CRPPA: variants seen among roughly 807,000 people sequenced by gnomAD.
CRPPA encodes D-ribitol-5-phosphate cytidylyltransferase.
CRPPA carries 43 observed loss-of-function variants against 52.0 expected under a neutral mutation model. The ratio of observed to expected loss-of-function variants is 0.83; its 90% CI spans 0.65 to 1.07. CRPPA has a LOEUF of 1.07. Ranked by LOEUF, CRPPA falls within the 50% of genes least tolerant of loss-of-function variation. The pLI is 0.00. For missense variants in CRPPA, 629 were observed against 551.7 expected (o/e 1.14, Z -1.40); for synonymous variants, 250 against 203.5 (o/e 1.23, Z -1.94).
intron 3 of CRPPA, among the ~76,000 whole-genome samples, chr7:16,330,074 T>C: frequency 6.6e-6 from 1 of 152,220 alleles, no homozygotes; most frequent in Non-Finnish European, 1.5e-5. Context: ...TGGAACTAAC[T>C]TTGAAGATCA....
At chr7:16,114,191 T>C (rs574496674) in intron 9 of CRPPA, among the ~76,000 whole-genome samples, 6 of 151,550 alleles carry the variant, frequency 4.0e-5, no homozygotes, top group East Asian at 1.9e-4. Context: ...CAGAGAGAAA[T>C]TGGAGTAAAA....
intron 9 of CRPPA, among the ~76,000 whole-genome samples, chr7:16,092,669 A>T (rs1016146893): frequency 2.8e-4 from 42 of 152,138 alleles, no homozygotes; most frequent in Admixed American, 2.5e-3. Flanking sequence ...CTTATACTTC[A>T]TTTCCCACAG....
chr7:16,235,459 A>G (rs1167729372), intron 8 of CRPPA, among the ~76,000 whole-genome samples: 1 of 152,066 alleles, frequency 6.6e-6, no homozygotes, highest in Non-Finnish European at 1.5e-5. Context: ...AAAAATCAGC[A>G]AAGTATGGGT....
chr7:16,411,630 A>G (rs1788079449), intron 1 of CRPPA, among the ~76,000 whole-genome samples: 1 of 151,912 alleles, frequency 6.6e-6, no homozygotes, highest in Non-Finnish European at 1.5e-5. Flanking sequence ...TAACTTCTCA[A>G]CCACATGTCA....
chr7:16,187,923 A>G lies in CRPPA; in HGVS notation c.1251+28143T>C, dbSNP rs537061103. Among the ~76,000 whole-genome samples the G allele has an allele frequency of 2.6e-5, 4 of 152,266 alleles. No homozygotes were observed. In the South Asian group the frequency reaches 8.3e-4, roughly 32 times the overall value. On this transcript the variant is annotated intron_variant, in intron 9 of 9. Coordinates refer to ENST00000407010, the MANE Select transcript of CRPPA (RefSeq NM_001101426.4). ...TTGATGATGAATAAAACATCCTTAA[A>G]GATTAGGAAGTGCTAATACCCAGGA... is the stretch of plus-strand genomic sequence containing the variant.
chr7:16,400,810 G>T (rs1787796742), intron 2 of CRPPA, among the ~76,000 whole-genome samples: 1 of 152,236 alleles, frequency 6.6e-6, no homozygotes, highest in South Asian at 2.1e-4. Flanking sequence ...ACACATGCCT[G>T]ACACGTGTGT....
chr7:16,097,037 T>C (rs1035280174), intron 9 of CRPPA, among the ~76,000 whole-genome samples: 5 of 152,184 alleles, frequency 3.3e-5, no homozygotes, highest in African/African-American at 1.2e-4. Flanking sequence ...CTAAACTTGA[T>C]TTGTTGTCAT....
At chr7:16,360,868 T>C (rs747767098) in intron 3 of CRPPA, among the ~76,000 whole-genome samples, 2 of 151,986 alleles carry the variant, frequency 1.3e-5, no homozygotes, top group African/African-American at 2.4e-5. Flanking sequence ...CAAAAGAAAA[T>C]AAATTAGACC....
rs770804343 is a variant in CRPPA at position 16,089,400 on chromosome 7, AATGTGTATATATGTACGTACATACATAT to A, written c.*2267_*2294del. 6,946 of 362,320 alleles carry A rather than the reference AATGTGTATATATGTACGTACATACATAT, an allele frequency of 0.019. 253 individuals are homozygous for A. Among genetic ancestry groups the A allele is most frequent in the Non-Finnish European group, 0.03 (4,982 of 166,198 alleles). 22.4% of individuals were successfully genotyped at this position (362,320 alleles called of 1,614,324 possible). On this transcript the variant is annotated 3_prime_UTR_variant, in exon 10 of 10. Coordinates refer to ENST00000407010, the MANE Select transcript of CRPPA (RefSeq NM_001101426.4). ...TATATACGTATATATGTATGTACAT[AATGTGTATATATGTACGTACATACATAT>A]ATGTGTATATATGTACGTGCATACA...
intron 8 of CRPPA, among the ~76,000 whole-genome samples, chr7:16,239,876 A>G (rs1384933630): frequency 6.6e-6 from 1 of 152,154 alleles, no homozygotes; most frequent in Non-Finnish European, 1.5e-5. Flanking sequence ...AGAAAAATTT[A>G]CTCATAAAAC....
chr7:16,205,506 G>A (rs1230802996), intron 9 of CRPPA, among the ~76,000 whole-genome samples: 2 of 152,072 alleles, frequency 1.3e-5, no homozygotes, highest in African/African-American at 2.4e-5. Context: ...GGCTAAATAC[G>A]ATACCTTCAT....
intron 3 of CRPPA, among the ~76,000 whole-genome samples, chr7:16,370,054 C>A (rs1786707813): frequency 6.6e-6 from 1 of 152,216 alleles, no homozygotes; most frequent in African/African-American, 2.4e-5. Flanking sequence ...AAGTCCCTTG[C>A]AGGCACTCCC....
In CRPPA at chr7:16,416,992, A is replaced by AATGAC. The variant is rs1485947433; in HGVS notation, c.257+4069_257+4073dup. Among the ~76,000 whole-genome samples, 7 of 152,322 alleles carry AATGAC rather than the reference A, an allele frequency of 4.6e-5. No homozygotes were observed. In the East Asian group the frequency reaches 1.4e-3, roughly 29 times the overall value. On this transcript the variant is annotated intron_variant, in intron 1 of 9. Coordinates refer to ENST00000407010, the MANE Select transcript of CRPPA (RefSeq NM_001101426.4). ...CAAATACCCACATTAAAAATGCACA[A>AATGAC]ATGACATGAACAAACACTTCTCAAA...
chr7:16,131,478 T>C (rs1236746534), intron 9 of CRPPA, among the ~76,000 whole-genome samples: 1 of 152,182 alleles, frequency 6.6e-6, no homozygotes, highest in Non-Finnish European at 1.5e-5. Context: ...ACAGCTCCAG[T>C]GGGCTGAAAT....
chr7:16,407,187 A>G (rs1339380643), intron 1 of CRPPA, among the ~76,000 whole-genome samples: 1 of 152,170 alleles, frequency 6.6e-6, no homozygotes, highest in Non-Finnish European at 1.5e-5. Flanking sequence ...GATGTTGCCC[A>G]GGCTAGTCTT....
intron 9 of CRPPA, among the ~76,000 whole-genome samples, chr7:16,123,539 A>G (rs1484172088): frequency 6.6e-6 from 1 of 152,150 alleles, no homozygotes; most frequent in Non-Finnish European, 1.5e-5. Flanking sequence ...AAAAATAACT[A>G]TTTTATAGCT....
At chr7:16,306,566 A>C (rs568775814) in intron 4 of CRPPA, among the ~76,000 whole-genome samples, 49 of 152,332 alleles carry the variant, frequency 3.2e-4, no homozygotes, top group African/African-American at 1.2e-3. Context: ...CAGAACATGC[A>C]AAAGAGGTAA....
chr7:16,273,882 G>T (rs1784147170), intron 6 of CRPPA, among the ~76,000 whole-genome samples: 1 of 152,106 alleles, frequency 6.6e-6, no homozygotes, highest in Admixed American at 6.5e-5. Context: ...CCTGGCCTCT[G>T]TACCTGCTCA....
chr7:16,296,555 C>G lies in CRPPA; in HGVS notation c.835+4866G>C, dbSNP rs1784679659. Among the ~76,000 whole-genome samples, 3 of 151,880 alleles carry G rather than the reference C, an allele frequency of 2.0e-5. No individual in the cohort carries two copies. In the South Asian group the frequency reaches 6.2e-4, roughly 31 times the overall value. On this transcript the variant is annotated intron_variant, in intron 5 of 9. Transcript: ENST00000407010. ...AATACAATTTGTTGACCAGGAATAA[C>G]TGTTATTTGAGAGAAAAAACAGCTC...
Sources: gnomAD v4.1 joint callset for allele counts (sites outside exome capture counted in the v4.1 genomes callset) on GRCh38, gnomAD v4.1.1 for gene constraint, MANE v1.5 for transcripts, NCBI Gene and HGNC (gene_info 2026-07-23, HGNC 2026-07-21) for gene names.